Variants in ENTREP1 observed in about 807,000 individuals in gnomAD.
ENTREP1 encodes the protein endosomal transmembrane epsin interactor 1.
the ENTREP1 span, among the ~76,000 whole-genome samples, chr9:69,378,904 T>C: frequency 1.3e-5 from 2 of 152,206 alleles, no homozygotes; most frequent in Non-Finnish European, 2.9e-5. Context: ...AAAATGTGTG[T>C]TGGAAGGATC....
the ENTREP1 span, among the ~76,000 whole-genome samples, chr9:69,354,254 ATTTTTTT>A: frequency 1.9e-5 from 2 of 105,648 alleles, no homozygotes; most frequent in East Asian, 2.7e-4. Flanking sequence ...CTATTGCAAC[ATTTTTTT>A]TTTTTTTTTT....
the ENTREP1 span, among the ~76,000 whole-genome samples, chr9:69,339,978 G>T: frequency 2.0e-5 from 3 of 152,070 alleles, no homozygotes; most frequent in Non-Finnish European, 4.4e-5. Context: ...TCAGTTCCCC[G>T]AGAACAAGAG....
the ENTREP1 span, chr9:69,379,715 AT>A: frequency 5.9e-5 from 9 of 152,362 alleles, no homozygotes; most frequent in African/African-American, 2.2e-4. Context: ...AATAAGAAGA[AT>A]TCTTTGACAC....
At chr9:69,334,119 C>A in the ENTREP1 span, among the ~76,000 whole-genome samples, 5 of 152,140 alleles carry the variant, frequency 3.3e-5, no homozygotes, top group Admixed American at 1.3e-4. Flanking sequence ...TGAGTGGGAG[C>A]CTGGAACCCA....
At chr9:69,336,272 A>G in the ENTREP1 span, 59 of 1,573,006 alleles carry the variant, frequency 3.8e-5, no homozygotes, top group Non-Finnish European at 4.7e-5. Context: ...TACTCCTGGT[A>G]TGTACTGATC....
chr9:69,375,778 T>G, the ENTREP1 span: 1 of 1,614,030 alleles, frequency 6.2e-7, no homozygotes, highest in South Asian at 1.1e-5. Flanking sequence ...TTGTGAAGAA[T>G]TTCAACCAGC....
chr9:69,355,562 A>G, the ENTREP1 span, among the ~76,000 whole-genome samples: 2 of 152,214 alleles, frequency 1.3e-5, no homozygotes, highest in South Asian at 2.1e-4. Flanking sequence ...AGAAAGGGTC[A>G]GGCACTCCAA....
chr9:69,358,135 A>G, the ENTREP1 span, among the ~76,000 whole-genome samples: 2 of 152,126 alleles, frequency 1.3e-5, no homozygotes, highest in African/African-American at 4.8e-5. Flanking sequence ...ATTCTAAGGA[A>G]CAGGTATTTT....
At chr9:69,373,913 T>C in the ENTREP1 span, among the ~76,000 whole-genome samples, 1 of 152,326 alleles carries the variant, frequency 6.6e-6, no homozygotes, top group African/African-American at 2.4e-5. Context: ...TACACTCATG[T>C]TATACTCCAA....
At chr9:69,383,908 A>C in the ENTREP1 span, 4 of 1,590,136 alleles carry the variant, frequency 2.5e-6, no homozygotes, top group Non-Finnish European at 3.5e-6. Flanking sequence ...GGGTGAGTTA[A>C]ACATCAACAA....
chr9:69,356,385 C>T, the ENTREP1 span, among the ~76,000 whole-genome samples: 10 of 152,262 alleles, frequency 6.6e-5, no homozygotes, highest in East Asian at 5.8e-4. Context: ...ATATGAGGAA[C>T]GCCCTGTGAG....
At chr9:69,344,311 A>C in the ENTREP1 span, among the ~76,000 whole-genome samples, 19,905 of 152,146 alleles carry the variant, frequency 0.13, 1,602 homozygotes, top group Admixed American at 0.16. Flanking sequence ...GTGATCATAC[A>C]TGTATGTTTG....
the ENTREP1 span, chr9:69,383,322 C>A: frequency 1.0e-6 from 1 of 992,918 alleles, no homozygotes; most frequent in Non-Finnish European, 1.3e-6. Flanking sequence ...ACTCCCCATT[C>A]CCTTCTCCCC....
At chr9:69,379,813 A>C in the ENTREP1 span, 1 of 152,222 alleles carries the variant, frequency 6.6e-6, no homozygotes. Flanking sequence ...AAAGTGACTC[A>C]TGTGGGTTTA....
chr9:69,383,762 A>T, the ENTREP1 span: 1 of 1,614,012 alleles, frequency 6.2e-7, no homozygotes, highest in Non-Finnish European at 8.5e-7. Flanking sequence ...AGGAGCAGGT[A>T]CTGTCTGTCC....
At chr9:69,325,453 C>T in the ENTREP1 span, 3 of 945,138 alleles carry the variant, frequency 3.2e-6, no homozygotes, top group Middle Eastern at 5.3e-4. Flanking sequence ...GGCCCCGGGG[C>T]GCGCTGCAGC....
the ENTREP1 span, chr9:69,377,406 A>G: frequency 1.9e-6 from 3 of 1,613,828 alleles, no homozygotes; most frequent in South Asian, 2.2e-5. Context: ...GAATGCCCTG[A>G]CCACCACCGT....
chr9:69,386,023 C>G, the ENTREP1 span: 1 of 1,450,422 alleles, frequency 6.9e-7, no homozygotes, highest in South Asian at 1.5e-5. Flanking sequence ...GCAGGTGGCT[C>G]TGGCCAGCTC....
chr9:69,366,965 G>T, the ENTREP1 span, among the ~76,000 whole-genome samples: 1 of 152,000 alleles, frequency 6.6e-6, no homozygotes, highest in African/African-American at 2.4e-5. Flanking sequence ...CACCCACGCT[G>T]AAGTGCAGTG....
Sources: gnomAD v4.1 joint callset for allele counts (sites outside exome capture counted in the v4.1 genomes callset) on GRCh38, gnomAD v4.1.1 for gene constraint, MANE v1.5 for transcripts, NCBI Gene and HGNC (gene_info 2026-07-23, HGNC 2026-07-21) for gene names.